Variants in CADPS observed in about 807,000 individuals in gnomAD.
The protein encoded by CADPS is calcium-dependent secretion activator 1.
CADPS carries 57 observed loss-of-function variants against 167.3 expected under a neutral mutation model. The ratio of observed to expected loss-of-function variants is 0.34; its 90% CI spans 0.28 to 0.42. The LOEUF (loss-of-function observed/expected upper bound fraction) is 0.42. Among genes scored for constraint, CADPS ranks in the 20% least tolerant of loss-of-function variants. The pLI is 1.00. For synonymous variants in CADPS, 676 were observed against 635.3 expected (o/e 1.06, Z -0.96); for missense variants, 1,414 against 1,738.1 (o/e 0.81, Z 3.32).
chr3:62,787,744 G>A (rs2092591950), intron 1 of CADPS, among the ~76,000 whole-genome samples: 1 of 152,102 alleles, frequency 6.6e-6, no homozygotes, highest in African/African-American at 2.4e-5. Context: ...CAATAGCTTG[G>A]CTTGTCTAAG....
At chr3:62,702,302 A>G (rs1687583484) in intron 3 of CADPS, among the ~76,000 whole-genome samples, 1 of 152,138 alleles carries the variant, frequency 6.6e-6, no homozygotes, top group African/African-American at 2.4e-5. Flanking sequence ...TAAGCCAAAG[A>G]TTGTGGGAGA....
At chr3:62,600,716 A>G (rs919806826) in intron 6 of CADPS, among the ~76,000 whole-genome samples, 1 of 152,200 alleles carries the variant, frequency 6.6e-6, no homozygotes, top group African/African-American at 2.4e-5. Context: ...CCCCATGGAT[A>G]TTACATTATT....
chr3:62,843,395 T>C (rs535260841), intron 1 of CADPS, among the ~76,000 whole-genome samples: 2 of 152,332 alleles, frequency 1.3e-5, no homozygotes, highest in South Asian at 4.1e-4. Context: ...GAGATTTCTA[T>C]GTTAAAGACA....
chr3:62,555,230 A>AT (rs2077941265), intron 10 of CADPS, among the ~76,000 whole-genome samples: 1 of 151,866 alleles, frequency 6.6e-6, no homozygotes. Context: ...ACATCTTTCC[A>AT]TTTACATCTT....
chr3:62,790,538 T>C (rs1176418282), intron 1 of CADPS, among the ~76,000 whole-genome samples: 1 of 152,170 alleles, frequency 6.6e-6, no homozygotes, highest in East Asian at 1.9e-4. Flanking sequence ...AGGCAAATAG[T>C]ACAGTGGGGA....
intron 26 of CADPS, among the ~76,000 whole-genome samples, chr3:62,459,929 T>A (rs907794735): frequency 6.6e-6 from 1 of 152,194 alleles, no homozygotes; most frequent in South Asian, 2.1e-4. Context: ...GTGAGTAAAA[T>A]CTTTATAAAT....
intron 23 of CADPS, among the ~76,000 whole-genome samples, chr3:62,477,124 T>C (rs984758660): frequency 4.6e-5 from 7 of 152,162 alleles, no homozygotes; most frequent in African/African-American, 1.7e-4. Context: ...CTACCTGAGA[T>C]TGCATTGTTC....
In CADPS at chr3:62,513,168, T is replaced by C. The variant is rs538844354; in HGVS notation, c.2582-400A>G. Among the ~76,000 whole-genome samples the C allele has an allele frequency of 2.7e-4, 41 of 152,148 alleles. No individual in the cohort carries two copies. In the South Asian group the frequency reaches 8.3e-3, roughly 31 times the overall value. ...ACAGGAGGCATATAAGATCTAATTTTTACAGAGAATGGACCACCTGGTGTG... is the reference window on the plus strand; with the variant it reads ...ACAGGAGGCATATAAGATCTAATTTCTACAGAGAATGGACCACCTGGTGTG... On this transcript the variant is annotated intron_variant, in intron 16 of 29. Transcript: ENST00000383710.
chr3:62,487,387 C>T (rs916701350), intron 21 of CADPS, among the ~76,000 whole-genome samples: 2 of 152,208 alleles, frequency 1.3e-5, no homozygotes, highest in Non-Finnish European at 2.9e-5. Flanking sequence ...CTCATATTCA[C>T]AGCTGCCAGA....
intron 26 of CADPS, among the ~76,000 whole-genome samples, chr3:62,452,282 G>A (rs2150100667): frequency 6.6e-6 from 1 of 152,240 alleles, no homozygotes; most frequent in South Asian, 2.1e-4. Flanking sequence ...TTAGTGAATT[G>A]CACTTGTATA....
intron 1 of CADPS, among the ~76,000 whole-genome samples, chr3:62,819,285 A>T (rs2094777312): frequency 6.6e-6 from 1 of 152,094 alleles, no homozygotes; most frequent in South Asian, 2.1e-4. Flanking sequence ...AAGGAATATT[A>T]AAAAAACACT....
At chr3:62,703,431 G>T (rs1007939717) in intron 3 of CADPS, among the ~76,000 whole-genome samples, 10 of 152,054 alleles carry the variant, frequency 6.6e-5, no homozygotes, top group Admixed American at 3.3e-4. Context: ...TGGCATTAGA[G>T]CTCACAGCCA....
chr3:62,585,306 G>C lies in CADPS; in HGVS notation c.1456C>G (p.Pro486Ala). 6.2e-7 allele frequency: 1 copy of C among 1,610,504 alleles called. No homozygotes were observed. Among genetic ancestry groups the C allele is most frequent in the South Asian group, 1.1e-5 (1 of 90,630 alleles). Residue 486 changes from proline to alanine, a missense_variant, in exon 8 of 30, where the codon CCG (proline) becomes GCG (alanine). By Grantham distance (27) the Pro-to-Ala change is conservative. Coordinates refer to ENST00000383710, the MANE Select transcript of CADPS (RefSeq NM_003716.4). ...ELGRVILHPT[P>A]NSPKQSEWHK... ...CACTCTGACTGTTTGGGGCTGTTCGGGGTGGGATGGAGAATAACCTGTAGG... is the reference window on the plus strand; with the variant it reads ...CACTCTGACTGTTTGGGGCTGTTCGCGGTGGGATGGAGAATAACCTGTAGG...
chr3:62,874,564 C>T lies in CADPS; in HGVS notation c.441+25G>A, dbSNP rs1355529000. 75 of 1,530,066 alleles carry T rather than the reference C, an allele frequency of 4.9e-5. No individual in the cohort carries two copies. The highest frequency in any genetic ancestry group is 6.4e-5 in the Non-Finnish European group (72 of 1,132,700). 94.8% of individuals were successfully genotyped at this position (1,530,066 alleles called of 1,614,324 possible). On this transcript the variant is annotated intron_variant, in intron 1 of 29. Coordinates refer to ENST00000383710, the MANE Select transcript of CADPS (RefSeq NM_003716.4). This position sits in a 1 kb window ranked among gnomAD's most constrained non-coding sequence, Gnocchi z 7.1. ...CGCCTGGCGACGTCCGGGTGCTGCTCCCTGGGCCTCCCAGGCGCACCTACC... is the reference window on the plus strand; with the variant it reads ...CGCCTGGCGACGTCCGGGTGCTGCTTCCTGGGCCTCCCAGGCGCACCTACC...
At chr3:62,776,109 G>A (rs2090216432) in intron 1 of CADPS, among the ~76,000 whole-genome samples, 1 of 152,260 alleles carries the variant, frequency 6.6e-6, no homozygotes. Context: ...AGGGTCATGT[G>A]GACTATGCTT....
At chr3:62,578,609 C>CAAAAAA (rs371060540) in intron 8 of CADPS, among the ~76,000 whole-genome samples, 29 of 66,972 alleles carry the variant, frequency 4.3e-4, no homozygotes, top group African/African-American at 1.1e-3. Flanking sequence ...GACTCCGTCT[C>CAAAAAA]AAAAAAATAA....
chr3:62,581,548 G>A (rs955324736), intron 8 of CADPS, among the ~76,000 whole-genome samples: 1 of 151,882 alleles, frequency 6.6e-6, no homozygotes, highest in Non-Finnish European at 1.5e-5. Context: ...GGGCGTGGTG[G>A]TACATGGCTG....
intron 3 of CADPS, among the ~76,000 whole-genome samples, chr3:62,734,867 T>A (rs1374091860): frequency 6.6e-6 from 1 of 152,190 alleles, no homozygotes; most frequent in East Asian, 1.9e-4. Flanking sequence ...GTAGAAAACA[T>A]CCAGTTGCTT....
chr3:62,516,757 T>G, intron 14 of CADPS, 114 bp from the exon 15 acceptor site: 1 of 708,120 alleles, frequency 1.4e-6, no homozygotes, highest in East Asian at 2.6e-5. Context: ...GCTTTTTATT[T>G]TGTCACGTTG....
Sources: gnomAD v4.1 joint callset for allele counts (sites outside exome capture counted in the v4.1 genomes callset) on GRCh38, gnomAD v4.1.1 for gene constraint, Gnocchi (gnomAD v3.1) non-coding constraint, MANE v1.5 for transcripts, NCBI Gene and HGNC (gene_info 2026-07-23, HGNC 2026-07-21) for gene names.